Variants in NLK observed in about 807,000 individuals in gnomAD.
NLK encodes serine/threonine-protein kinase NLK.
A neutral mutation model predicts 59.0 loss-of-function variants in NLK; 11 were observed. The observed-to-expected ratio is 0.19, with a 90% CI of 0.12 to 0.31. NLK has a LOEUF of 0.31. Ranked by LOEUF, NLK falls within the 10% of genes least tolerant of loss-of-function variation. The pLI, the probability that NLK is intolerant of heterozygous loss-of-function variation, is 1.00. For missense variants in NLK, 410 were observed against 661.1 expected (o/e 0.62, Z 4.16); for synonymous variants, 235 against 235.9 (o/e 1.00, Z 0.03).
chr17:28,168,424 G>A (rs770139296), intron 5 of NLK, 24 bp from the exon 6 acceptor site: 1 of 1,531,636 alleles, frequency 6.5e-7, no homozygotes, highest in Admixed American at 1.7e-5. Flanking sequence ...GCTTGATAAT[G>A]TTTTGATTGC....
At chr17:28,203,496 C>T in the NLK span, among the ~76,000 whole-genome samples, 10 of 152,164 alleles carry the variant, frequency 6.6e-5, no homozygotes, top group Admixed American at 4.6e-4. Context: ...TCCCTTTCCA[C>T]TCCTCGAGGC....
At chr17:28,045,504 C>T (rs528489185) in intron 1 of NLK, among the ~76,000 whole-genome samples, 1 of 152,142 alleles carries the variant, frequency 6.6e-6, no homozygotes, top group African/African-American at 2.4e-5. Context: ...TCACGTGATT[C>T]GGGTCTTTGT....
At chr17:28,181,876 G>T (rs949707481) in intron 7 of NLK, among the ~76,000 whole-genome samples, 2 of 152,086 alleles carry the variant, frequency 1.3e-5, no homozygotes, top group African/African-American at 4.8e-5. Flanking sequence ...TGGGTGTGGT[G>T]GCGCACGTCT....
At chr17:28,069,250 T>C (rs1428018842) in intron 1 of NLK, among the ~76,000 whole-genome samples, 1 of 152,254 alleles carries the variant, frequency 6.6e-6, no homozygotes, top group Non-Finnish European at 1.5e-5. Context: ...CTTGCACATA[T>C]CAGTGTTTTT....
rs545608545 is a variant in NLK, at chr17:28,068,149, A to C, written c.458+24818A>C. ...GAGCGAGACTCCGTCTCAAAAAAAA[A>C]AAAAAAAAAATATGGATGTTCGATT... On this transcript the variant is annotated intron_variant, in intron 1 of 10. Coordinates refer to ENST00000407008, the MANE Select transcript of NLK (RefSeq NM_016231.5). 9.9e-5 allele frequency among the ~76,000 whole-genome samples: 15 copies of C among 152,074 alleles called. No individual in the cohort carries two copies. The East Asian group carries it at 2.9e-3, about 29-fold the overall frequency.
chr17:28,115,328 AG>A (rs1338248280), intron 1 of NLK, among the ~76,000 whole-genome samples: 2 of 152,194 alleles, frequency 1.3e-5, no homozygotes, highest in Non-Finnish European at 2.9e-5. Flanking sequence ...TGGTTTGTAG[AG>A]TTTAGCCCCA....
At chr17:28,124,642 A>G (rs1305531691) in intron 2 of NLK, among the ~76,000 whole-genome samples, 1 of 152,158 alleles carries the variant, frequency 6.6e-6, no homozygotes, top group East Asian at 1.9e-4. Context: ...TTATTTCTTG[A>G]CCTTGCCTTA....
At chr17:28,047,006 T>G (rs138464508) in intron 1 of NLK, among the ~76,000 whole-genome samples, 144 of 152,312 alleles carry the variant, frequency 9.5e-4, no homozygotes, top group African/African-American at 3.2e-3. Context: ...GTTACTTTTA[T>G]CTGTCTTTCA....
chr17:28,190,848 C>G, intron 8 of NLK, 173 bp from the exon 9 acceptor site: 1 of 520,778 alleles, frequency 1.9e-6, no homozygotes, highest in Non-Finnish European at 3.4e-6. Context: ...AAATCATACA[C>G]TCCCTCTGCT....
rs578178540 is a variant in NLK, at chr17:28,080,127, T to C, written c.458+36796T>C. Among the ~76,000 whole-genome samples, 3 of 152,150 alleles carry C rather than the reference T, an allele frequency of 2.0e-5. No individual in the cohort carries two copies. In the South Asian group the frequency reaches 6.2e-4, roughly 32 times the overall value. On this transcript the variant is annotated intron_variant, in intron 1 of 10. Coordinates refer to ENST00000407008, the MANE Select transcript of NLK (RefSeq NM_016231.5). ...ATTATGTGCAGTATTTTGTGCATGT[T>C]TGTGTGTGTGTATGTGTCTGTCATT... is the stretch of plus-strand genomic sequence containing the variant.
chr17:28,107,105 T>A (rs1905200294), intron 1 of NLK, among the ~76,000 whole-genome samples: 1 of 152,136 alleles, frequency 6.6e-6, no homozygotes, highest in Admixed American at 6.5e-5. Flanking sequence ...GAATCACTGG[T>A]GAATATTTTT....
At chr17:28,110,905 C>CG (rs1189089559) in intron 1 of NLK, among the ~76,000 whole-genome samples, 2 of 151,102 alleles carry the variant, frequency 1.3e-5, no homozygotes, top group Non-Finnish European at 3.0e-5. Flanking sequence ...AGTGCAGTGG[C>CG]GGGATCTCGG....
chr17:28,056,420 G>A (rs1909446856), intron 1 of NLK, among the ~76,000 whole-genome samples: 1 of 152,178 alleles, frequency 6.6e-6, no homozygotes, highest in African/African-American at 2.4e-5. Flanking sequence ...AGTTTTTGCT[G>A]TTTTGCTGCT....
At chr17:28,180,772 G>A (rs929365971) in intron 7 of NLK, among the ~76,000 whole-genome samples, 1 of 152,160 alleles carries the variant, frequency 6.6e-6, no homozygotes, top group African/African-American at 2.4e-5. Flanking sequence ...AAAGAAGACA[G>A]CTATTCACAG....
chr17:28,059,918 C>T (rs1909571295), intron 1 of NLK, among the ~76,000 whole-genome samples: 1 of 151,960 alleles, frequency 6.6e-6, no homozygotes, highest in African/African-American at 2.4e-5. Context: ...ACCTTAAGAG[C>T]ATAAATCATA....
At chr17:28,043,891 G>T (rs1288921408) in intron 1 of NLK, among the ~76,000 whole-genome samples, 1 of 152,206 alleles carries the variant, frequency 6.6e-6, no homozygotes. Flanking sequence ...TAAAGCTACA[G>T]TTGAGAAGTA....
At chr17:28,111,479 A>T (rs1190704131) in intron 1 of NLK, among the ~76,000 whole-genome samples, 1 of 152,032 alleles carries the variant, frequency 6.6e-6, no homozygotes, top group African/African-American at 2.4e-5. Context: ...CTGTCCAGAA[A>T]CAGTTTTTAT....
At chr17:28,154,290 C>T (rs976480349) in intron 3 of NLK, among the ~76,000 whole-genome samples, 13 of 152,156 alleles carry the variant, frequency 8.5e-5, no homozygotes, top group South Asian at 2.1e-4. Context: ...AGAAGTAGTA[C>T]GATGCTCAGA....
chr17:28,185,353 T>C, intron 8 of NLK, 88 bp downstream of exon 8: 1 of 775,790 alleles, frequency 1.3e-6, no homozygotes, highest in Non-Finnish European at 2.0e-6. Flanking sequence ...AGATTGGCAA[T>C]GTAAATAATT....
Sources: allele counts gnomAD v4.1 joint callset (sites outside exome capture counted in the v4.1 genomes callset), GRCh38; gene constraint gnomAD v4.1.1; transcripts MANE v1.5; gene names NCBI Gene and HGNC (gene_info 2026-07-23, HGNC 2026-07-21).